The following COL25A1 variants were observed in gnomAD, a reference collection of about 807,000 sequenced individuals.
COL25A1 encodes collagen type XXV alpha 1 chain, also known as collagen alpha-1(XXV) chain.
In COL25A1, 103 loss-of-function variants were observed where a neutral mutation model predicts 128.4. The observed-to-expected ratio is 0.80, with a 90% CI of 0.68 to 0.94. The LOEUF is 0.94. COL25A1 is among the 40% of genes least tolerant of loss of function. The pLI is 0.00. For missense variants in COL25A1, 745 were observed against 840.0 expected, an observed-to-expected ratio of 0.89 and a Z score of 1.40; for synonymous variants, 279 against 277.2, an observed-to-expected ratio of 1.01 and a Z score of -0.06.
intron 32 of COL25A1, among the ~76,000 whole-genome samples, chr4:108,829,859 G>C (rs1056186879): frequency 2.6e-5 from 4 of 152,104 alleles, no homozygotes; most frequent in Non-Finnish European, 5.9e-5. Context: ...GGAAGCTCTG[G>C]GGAAGGTTCC....
intron 3 of COL25A1, among the ~76,000 whole-genome samples, chr4:109,069,710 G>A (rs936623606): frequency 3.3e-5 from 5 of 152,044 alleles, no homozygotes; most frequent in African/African-American, 9.7e-5. Flanking sequence ...ACACTTTCTG[G>A]GCTCTCTGTA....
intron 5 of COL25A1, among the ~76,000 whole-genome samples, chr4:109,042,620 G>GA (rs141284485): frequency 2.0e-5 from 3 of 152,002 alleles, no homozygotes; most frequent in East Asian, 1.9e-4. Flanking sequence ...TGCTATTATA[G>GA]AAAAAATACA....
At chr4:108,844,839 T>A (rs1418802588) in intron 29 of COL25A1, among the ~76,000 whole-genome samples, 2 of 152,220 alleles carry the variant, frequency 1.3e-5, no homozygotes, top group African/African-American at 4.8e-5. Context: ...AATGCTATAA[T>A]GTCACTACTA....
intron 37 of COL25A1, among the ~76,000 whole-genome samples, chr4:108,816,787 G>A (rs1731291639): frequency 6.6e-6 from 1 of 152,090 alleles, no homozygotes; most frequent in Non-Finnish European, 1.5e-5. Context: ...TATATGAAAA[G>A]GCTTGTCATA....
At chr4:109,036,703 G>T (rs923385108) in intron 5 of COL25A1, among the ~76,000 whole-genome samples, 2 of 152,196 alleles carry the variant, frequency 1.3e-5, no homozygotes, top group African/African-American at 4.8e-5. Context: ...AAAACCAGTT[G>T]TTATTCTTCA....
intron 5 of COL25A1, among the ~76,000 whole-genome samples, chr4:109,020,506 T>A (rs1237127432): frequency 8.1e-6 from 1 of 123,874 alleles, no homozygotes; most frequent in Admixed American, 8.7e-5. Flanking sequence ...GAGATTATTA[T>A]GGGGGGGGGG....
intron 3 of COL25A1, among the ~76,000 whole-genome samples, chr4:109,120,878 A>G (rs1768048522): frequency 6.6e-6 from 1 of 151,860 alleles, no homozygotes; most frequent in Admixed American, 6.6e-5. Context: ...TAAAATACTT[A>G]GATATAAATC....
chr4:108,910,130 T>C (rs185955858), intron 13 of COL25A1, among the ~76,000 whole-genome samples: 50 of 152,284 alleles, frequency 3.3e-4, no homozygotes, highest in Admixed American at 2.8e-3. Flanking sequence ...TGAAAATATA[T>C]CCATTTTTAA....
At chr4:108,938,555 C>T (rs1022755436) in intron 10 of COL25A1, among the ~76,000 whole-genome samples, 7 of 152,264 alleles carry the variant, frequency 4.6e-5, no homozygotes, top group African/African-American at 1.4e-4. Flanking sequence ...AGCCACTGCA[C>T]TACAGCTTGG....
At chr4:108,995,526 C>T (rs1364966535) in intron 6 of COL25A1, among the ~76,000 whole-genome samples, 2 of 152,096 alleles carry the variant, frequency 1.3e-5, no homozygotes, top group Non-Finnish European at 2.9e-5. Flanking sequence ...GAGAATGGAA[C>T]CAAATTAGAA....
intron 31 of COL25A1, among the ~76,000 whole-genome samples, chr4:108,838,471 T>A (rs114900166): frequency 2.4e-3 from 359 of 152,252 alleles, no homozygotes; most frequent in African/African-American, 8.3e-3. Flanking sequence ...ATTCATGTTA[T>A]ACCACATTTT....
At chr4:109,247,841 G>A (rs1780378447) in intron 3 of COL25A1, among the ~76,000 whole-genome samples, 1 of 152,024 alleles carries the variant, frequency 6.6e-6, no homozygotes, top group African/African-American at 2.4e-5. Context: ...AAACATAAGA[G>A]ACAAGATCCA....
At chr4:108,939,739 AC>A (rs1747860976) in intron 10 of COL25A1, among the ~76,000 whole-genome samples, 1 of 152,130 alleles carries the variant, frequency 6.6e-6, no homozygotes, top group African/African-American at 2.4e-5. Context: ...CCAGTAATAA[AC>A]CTTAATTTCT....
chr4:109,032,694 T>C (rs1012092179), intron 5 of COL25A1, among the ~76,000 whole-genome samples: 5 of 152,244 alleles, frequency 3.3e-5, no homozygotes, highest in African/African-American at 9.6e-5. Context: ...TTTTATAGCA[T>C]AGATGTTCTC....
chr4:108,927,634 C>T (rs1039730556), intron 11 of COL25A1, among the ~76,000 whole-genome samples: 8 of 151,990 alleles, frequency 5.3e-5, no homozygotes, highest in African/African-American at 1.9e-4. Context: ...TATTCATGAG[C>T]ATTTGATGAA....
intron 3 of COL25A1, among the ~76,000 whole-genome samples, chr4:109,266,371 T>C (rs772676864): frequency 1.3e-5 from 2 of 152,186 alleles, no homozygotes; most frequent in African/African-American, 4.8e-5. Context: ...GAGGTGAAGA[T>C]GAATGACCTT....
At chr4:109,200,649 G>A (rs774997700) in intron 3 of COL25A1, among the ~76,000 whole-genome samples, 26 of 152,036 alleles carry the variant, frequency 1.7e-4, no homozygotes, top group Non-Finnish European at 3.2e-4. Flanking sequence ...ATGCGGTTTC[G>A]CCAGGTTGGG....
chr4:109,261,772 A>G (rs1400528892), intron 3 of COL25A1, among the ~76,000 whole-genome samples: 1 of 150,618 alleles, frequency 6.6e-6, no homozygotes, highest in Non-Finnish European at 1.5e-5. Context: ...ATCTCGGCTC[A>G]CTGCGAGCTC....
chr4:108,840,113 G>A (rs978926764), intron 31 of COL25A1, among the ~76,000 whole-genome samples: 25 of 151,836 alleles, frequency 1.6e-4, no homozygotes, highest in Non-Finnish European at 2.9e-4. Context: ...ATGGTGGTGG[G>A]TGCCTGTAAT....
Sources: gnomAD v4.1 joint callset for allele counts (sites outside exome capture counted in the v4.1 genomes callset) on GRCh38, gnomAD v4.1.1 for gene constraint, MANE v1.5 for transcripts, NCBI Gene and HGNC (gene_info 2026-07-23, HGNC 2026-07-21) for gene names.